The following RBFOX1 variants were observed in gnomAD, a reference collection of about 807,000 sequenced individuals.
RBFOX1 encodes the protein RNA binding protein fox-1 homolog 1.
In RBFOX1, 8 loss-of-function variants were observed where a neutral mutation model predicts 57.7. That is an observed-to-expected ratio of 0.14 (90% CI 0.08 to 0.25). The LOEUF is 0.25. RBFOX1 is among the 10% of genes least tolerant of loss of function. RBFOX1 has a pLI of 1.00. For synonymous variants in RBFOX1, 326 were observed against 222.4 expected, an observed-to-expected ratio of 1.47 and a Z score of -4.15; for missense variants, 611 against 548.5, an observed-to-expected ratio of 1.11 and a Z score of -1.14.
intron 1 of RBFOX1, among the ~76,000 whole-genome samples, chr16:6,315,046 G>A (rs1405487098): frequency 6.6e-6 from 1 of 152,174 alleles, no homozygotes; most frequent in African/African-American, 2.4e-5. Flanking sequence ...CATTTAGAAG[G>A]CTTAATAAAC....
intron 2 of RBFOX1, among the ~76,000 whole-genome samples, chr16:5,528,726 T>A (rs975008278): frequency 6.7e-6 from 1 of 149,846 alleles, no homozygotes; most frequent in South Asian, 2.2e-4. Flanking sequence ...CTCGGCTCAC[T>A]GCAACCTCCA....
chr16:5,751,340 A>G (rs188525457), intron 3 of RBFOX1, among the ~76,000 whole-genome samples: 1 of 146,656 alleles, frequency 6.8e-6, no homozygotes, highest in East Asian at 1.9e-4. Context: ...ACATTTGTGC[A>G]TCCCTTATCT....
chr16:7,383,586 A>G (rs973075359), intron 4 of RBFOX1, among the ~76,000 whole-genome samples: 1 of 152,104 alleles, frequency 6.6e-6, no homozygotes, highest in Non-Finnish European at 1.5e-5. Context: ...TCCATTTCCC[A>G]TTCTCCATGT....
At chr16:6,848,444 T>C (rs1395710856) in intron 3 of RBFOX1, among the ~76,000 whole-genome samples, 1 of 152,166 alleles carries the variant, frequency 6.6e-6, no homozygotes, top group Non-Finnish European at 1.5e-5. Context: ...TGACCACACA[T>C]GGCCAGCAGG....
chr16:5,805,362 A>C (rs768496317), intron 3 of RBFOX1, among the ~76,000 whole-genome samples: 2 of 152,202 alleles, frequency 1.3e-5, no homozygotes, highest in African/African-American at 4.8e-5. Context: ...TCAAAATTCT[A>C]TTAACTAGTT....
intron 3 of RBFOX1, among the ~76,000 whole-genome samples, chr16:6,904,668 G>C (rs899330149): frequency 6.7e-6 from 1 of 150,162 alleles, no homozygotes; most frequent in Non-Finnish European, 1.5e-5. Flanking sequence ...TTGTACCTGA[G>C]GACTGTTTGG....
rs569066913 is a variant in RBFOX1 at position 7,062,794 on chromosome 16, G to T, written c.27+10696G>T. 2.0e-5 allele frequency among the ~76,000 whole-genome samples: 3 copies of T among 151,310 alleles called. No individual in the cohort carries two copies. The East Asian group carries it at 5.8e-4, about 29-fold the overall frequency. ...ATTGAGTGAAGAGACGGTTCCCAGG[G>T]CTAGACCTCAGATTCACCCTGATTC... On this transcript the variant is annotated intron_variant, in intron 4 of 15. Coordinates refer to ENST00000550418, the MANE Select transcript of RBFOX1 (RefSeq NM_018723.4).
chr16:6,746,833 A>T (rs1010443518), intron 3 of RBFOX1, among the ~76,000 whole-genome samples: 3 of 152,172 alleles, frequency 2.0e-5, no homozygotes, highest in Admixed American at 1.3e-4. Flanking sequence ...TGTTATAGGA[A>T]TGTGAGATTT....
At chr16:6,963,054 C>A (rs1465865848) in intron 3 of RBFOX1, among the ~76,000 whole-genome samples, 1 of 152,264 alleles carries the variant, frequency 6.6e-6, no homozygotes, top group African/African-American at 2.4e-5. Context: ...ACTGTGTGAA[C>A]TGCCCAAGTC....
intron 4 of RBFOX1, among the ~76,000 whole-genome samples, chr16:7,078,087 C>T (rs2058585444): frequency 1.3e-5 from 2 of 152,188 alleles, no homozygotes; most frequent in Non-Finnish European, 2.9e-5. Flanking sequence ...ACCACTTGCT[C>T]CTCCTCCTCT....
At chr16:7,007,038 C>G (rs192398261) in intron 3 of RBFOX1, among the ~76,000 whole-genome samples, 10 of 152,294 alleles carry the variant, frequency 6.6e-5, no homozygotes, top group Non-Finnish European at 4.4e-5. Flanking sequence ...GGTGAGAAAT[C>G]TAGTTGGCTC....
At chr16:5,275,148 T>G (rs1330685311) in intron 1 of RBFOX1, among the ~76,000 whole-genome samples, 2 of 152,216 alleles carry the variant, frequency 1.3e-5, no homozygotes, top group Admixed American at 6.5e-5. Flanking sequence ...AGTGTATTCC[T>G]GCATGTTTCT....
intron 13 of RBFOX1, among the ~76,000 whole-genome samples, chr16:7,666,045 T>A (rs1296542748): frequency 1.3e-5 from 2 of 152,256 alleles, no homozygotes; most frequent in South Asian, 2.1e-4. Context: ...CCATATGTCC[T>A]AATTCACTCA....
rs115545981 is a variant in RBFOX1 at position 7,289,443 on chromosome 16, C to G, written c.28-228704C>G. Among the ~76,000 whole-genome samples the G allele has an allele frequency of 6.1e-3, 934 of 152,264 alleles. 9 individuals are homozygous for G. Among genetic ancestry groups the G allele is most frequent in the African/African-American group, 0.021 (857 of 41,564 alleles). ...TCATCACCATCACCATCATCATTAC[C>G]ATCATCATCAGCAAGAGCATCACTG... On this transcript the variant is annotated intron_variant, in intron 4 of 15. Coordinates refer to ENST00000550418, the MANE Select transcript of RBFOX1 (RefSeq NM_018723.4).
intron 3 of RBFOX1, among the ~76,000 whole-genome samples, chr16:6,785,946 G>C (rs2081887281): frequency 6.6e-6 from 1 of 152,206 alleles, no homozygotes; most frequent in Non-Finnish European, 1.5e-5. Context: ...ACATGCATGT[G>C]ACTTCCCAGG....
intron 4 of RBFOX1, among the ~76,000 whole-genome samples, chr16:5,927,903 T>G (rs2058969773): frequency 6.6e-6 from 1 of 151,908 alleles, no homozygotes; most frequent in Non-Finnish European, 1.5e-5. Context: ...AACATCAAAA[T>G]CCTGGAAACA....
chr16:7,079,423 A>G (rs1280197185), intron 4 of RBFOX1, among the ~76,000 whole-genome samples: 1 of 152,236 alleles, frequency 6.6e-6, no homozygotes, highest in African/African-American at 2.4e-5. Flanking sequence ...CTGCCTGAGC[A>G]GAACCACAGT....
At chr16:6,707,479 T>G (rs968318223) in intron 3 of RBFOX1, among the ~76,000 whole-genome samples, 1 of 29,256 alleles carries the variant, frequency 3.4e-5, no homozygotes, top group African/African-American at 2.4e-4. Flanking sequence ...CCCATTTTTG[T>G]TTTTTTTTTT....
chr16:7,491,912 C>T (rs978386882), intron 4 of RBFOX1, among the ~76,000 whole-genome samples: 1 of 152,154 alleles, frequency 6.6e-6, no homozygotes, highest in Non-Finnish European at 1.5e-5. Flanking sequence ...GGCTAATTTT[C>T]ATTGTACCAC....
Sources: allele counts gnomAD v4.1 joint callset (sites outside exome capture counted in the v4.1 genomes callset), GRCh38; gene constraint gnomAD v4.1.1; transcripts MANE v1.5; gene names NCBI Gene and HGNC (gene_info 2026-07-23, HGNC 2026-07-21).